ZSCAN25: variants seen among roughly 807,000 people sequenced by gnomAD.
ZSCAN25 encodes the protein zinc finger and SCAN domain-containing protein 25.
A neutral mutation model predicts 38.7 loss-of-function variants in ZSCAN25; 27 were observed. The observed-to-expected ratio is 0.70, with a 90% CI of 0.51 to 0.96. The LOEUF (loss-of-function observed/expected upper bound fraction) is 0.96. ZSCAN25 is among the 40% of genes least tolerant of loss of function. The pLI, the probability that ZSCAN25 is intolerant of heterozygous loss-of-function variation, is 0.00. For synonymous variants in ZSCAN25, 273 were observed against 277.7 expected (o/e 0.98, Z 0.17); for missense variants, 637 against 705.9 (o/e 0.90, Z 1.11).
chr7:99,720,179 G>A, the ZSCAN25 span: 17 of 1,063,192 alleles, frequency 1.6e-5, no homozygotes, highest in African/African-American at 2.5e-4. Context: ...GTTACCATGG[G>A]GGATGGGCAG....
the ZSCAN25 span, chr7:99,717,740 T>G: frequency 2.1e-6 from 3 of 1,419,312 alleles, no homozygotes; most frequent in Non-Finnish European, 2.9e-6. Context: ...AACAAATATT[T>G]AGTGACTGTC....
At chr7:99,672,002 A>T in the ZSCAN25 span, 13,579 of 594,720 alleles carry the variant, frequency 0.023, 213 homozygotes, top group Non-Finnish European at 0.027. Flanking sequence ...CCTGTACTAT[A>T]GTATTAGGTT....
At chr7:99,662,178 A>G in the ZSCAN25 span, among the ~76,000 whole-genome samples, 1 of 152,200 alleles carries the variant, frequency 6.6e-6, no homozygotes, top group Non-Finnish European at 1.5e-5. The surrounding 1 kb of genome is among the most constrained non-coding windows in gnomAD (Gnocchi z 4.3). Context: ...CCAATTGTTA[A>G]ATATTCAAAA....
chr7:99,626,539 G>T (rs1425121394), intron 7 of ZSCAN25, among the ~76,000 whole-genome samples: 1 of 152,182 alleles, frequency 6.6e-6, no homozygotes, highest in Non-Finnish European at 1.5e-5. Flanking sequence ...AGATTGGCCA[G>T]AGGGGAGGAA....
intron 1 of ZSCAN25, among the ~76,000 whole-genome samples, chr7:99,617,822 G>A (rs978001233): frequency 6.6e-6 from 1 of 152,228 alleles, no homozygotes; most frequent in African/African-American, 2.4e-5. Context: ...AAATGGCAGA[G>A]ATAAAAGATG....
At chr7:99,651,100 TAGTC>T in the ZSCAN25 span, among the ~76,000 whole-genome samples, 22 of 152,284 alleles carry the variant, frequency 1.4e-4, no homozygotes, top group Admixed American at 5.2e-4. Flanking sequence ...AATAACATGA[TAGTC>T]AGGAGGAGGG....
the ZSCAN25 span, among the ~76,000 whole-genome samples, chr7:99,723,418 C>CT: frequency 4.6e-5 from 7 of 152,214 alleles, no homozygotes; most frequent in Non-Finnish European, 1.0e-4. Flanking sequence ...TTAACTGCAA[C>CT]TTTCCACTGC....
chr7:99,716,165 TAGAA>T, the ZSCAN25 span, among the ~76,000 whole-genome samples: 1 of 152,168 alleles, frequency 6.6e-6, no homozygotes, highest in Non-Finnish European at 1.5e-5. Flanking sequence ...AGCCTAGTCA[TAGAA>T]AGACAGAGAT....
At position 99,621,474 on chromosome 7, in the gene ZSCAN25, G is replaced by A; in HGVS notation, c.489G>A (p.Trp163Ter). The A allele has an allele frequency of 1.3e-6, 2 of 1,576,922 alleles. No individual in the cohort carries two copies. The highest frequency in any genetic ancestry group is 1.7e-6 in the Non-Finnish European group (2 of 1,156,864). ...QLGPVEVKPE[W>*]GMPPGEGVQG... Reference sequence around the variant, plus strand: ...GGCCAGTGGAGGTCAAGCCTGAATGGGGGATGCCCCCTGGGGAAGGAGTTC... The same window carrying A: ...GGCCAGTGGAGGTCAAGCCTGAATGAGGGATGCCCCCTGGGGAAGGAGTTC... Residue 163 changes from tryptophan to a stop codon, truncating the protein, a stop_gained, in exon 5 of 8, where the codon TGG becomes TGA. Coordinates refer to ENST00000394152, the MANE Select transcript of ZSCAN25 (RefSeq NM_145115.3). LOFTEE classifies it high-confidence loss of function.
At chr7:99,664,128 C>A in the ZSCAN25 span, 1 of 1,528,608 alleles carries the variant, frequency 6.5e-7, no homozygotes. Flanking sequence ...AAAAGGAAAT[C>A]ATTGAAAATG....
chr7:99,674,803 G>A, the ZSCAN25 span, among the ~76,000 whole-genome samples: 1 of 152,184 alleles, frequency 6.6e-6, no homozygotes, highest in Non-Finnish European at 1.5e-5. Context: ...TTTTCTCTAA[G>A]TACTGAAGGA....
At chr7:99,705,684 T>C in the ZSCAN25 span, 1 of 1,491,300 alleles carries the variant, frequency 6.7e-7, no homozygotes, top group Non-Finnish European at 9.2e-7. Context: ...TTACTGACAA[T>C]AATGCTTTGT....
chr7:99,718,330 A>G, the ZSCAN25 span, among the ~76,000 whole-genome samples: 3 of 152,222 alleles, frequency 2.0e-5, no homozygotes, highest in African/African-American at 4.8e-5. Context: ...ATGCGATTCT[A>G]TTAACATTCT....
downstream of ZSCAN25, among the ~76,000 whole-genome samples, chr7:99,634,405 G>A (rs1393504521): frequency 6.6e-6 from 1 of 152,234 alleles, no homozygotes; most frequent in Non-Finnish European, 1.5e-5. Flanking sequence ...TGTAATCCCA[G>A]CTCTTTGGGA....
intron 2 of ZSCAN25, among the ~76,000 whole-genome samples, 159 bp downstream of exon 2, chr7:99,618,810 C>T (rs1806684226): frequency 6.6e-6 from 1 of 152,176 alleles, no homozygotes; most frequent in African/African-American, 2.4e-5. Flanking sequence ...TGGTTTCTGT[C>T]TGCCTCTGCC....
chr7:99,708,103 C>T, the ZSCAN25 span: 5 of 1,284,330 alleles, frequency 3.9e-6, no homozygotes, highest in Admixed American at 9.7e-5. Context: ...GGGCTAGTCA[C>T]TGAAATCCTG....
chr7:99,634,473 GT>G (rs1487844213), downstream of ZSCAN25, among the ~76,000 whole-genome samples: 2 of 152,126 alleles, frequency 1.3e-5, no homozygotes, highest in Non-Finnish European at 2.9e-5. Flanking sequence ...GGACAACATG[GT>G]GAGACCTTGT....
At chr7:99,683,148 A>T in the ZSCAN25 span, among the ~76,000 whole-genome samples, 10 of 152,228 alleles carry the variant, frequency 6.6e-5, no homozygotes, top group Non-Finnish European at 1.5e-4. Flanking sequence ...CACAAAATGT[A>T]TCCTAGGCTT....
the ZSCAN25 span, chr7:99,714,828 C>T: frequency 1.8e-5 from 25 of 1,402,878 alleles, no homozygotes; most frequent in Non-Finnish European, 2.3e-5. Flanking sequence ...GACTTTTGCC[C>T]CTCTTCCAGG....
Sources: allele counts gnomAD v4.1 joint callset (sites outside exome capture counted in the v4.1 genomes callset), GRCh38; gene constraint gnomAD v4.1.1; non-coding constraint Gnocchi (gnomAD v3.1); transcripts MANE v1.5; gene names NCBI Gene and HGNC (gene_info 2026-07-23, HGNC 2026-07-21).